Variants in CACNA2D4 observed in about 807,000 individuals in gnomAD.
CACNA2D4 encodes calcium voltage-gated channel auxiliary subunit alpha2delta 4.
CACNA2D4 carries 157 observed loss-of-function variants against 163.8 expected under a neutral mutation model. That is an observed-to-expected ratio of 0.96 (90% CI 0.84 to 1.09). CACNA2D4 has a LOEUF of 1.09. Among genes scored for constraint, CACNA2D4 ranks in the 50% least tolerant of loss-of-function variants. CACNA2D4 has a pLI of 0.00. For missense variants in CACNA2D4, 1,410 were observed against 1,479.9 expected (o/e 0.95, Z 0.78); for synonymous variants, 598 against 586.9 (o/e 1.02, Z -0.27).
intron 24 of CACNA2D4, 40 bp downstream of exon 24, chr12:1,846,554 C>G (rs1198507181): frequency 2.0e-6 from 3 of 1,499,812 alleles, no homozygotes; most frequent in Non-Finnish European, 1.8e-6. Flanking sequence ...CCTCTCTGCC[C>G]TGCAGGGATT....
At chr12:1,854,431 A>T (rs538308823) in intron 22 of CACNA2D4, among the ~76,000 whole-genome samples, 1 of 152,026 alleles carries the variant, frequency 6.6e-6, no homozygotes, top group African/African-American at 2.4e-5. Context: ...GTTGAGATGG[A>T]GTCTCATTCT....
At chr12:1,904,893 C>T (rs1367186997) in intron 6 of CACNA2D4, among the ~76,000 whole-genome samples, 3 of 151,940 alleles carry the variant, frequency 2.0e-5, no homozygotes, top group Non-Finnish European at 2.9e-5. Flanking sequence ...AAATAAGTCC[C>T]TCAACAGTAA....
chr12:1,897,562 C>T (rs1866437154), intron 6 of CACNA2D4, among the ~76,000 whole-genome samples: 2 of 152,100 alleles, frequency 1.3e-5, no homozygotes, highest in Admixed American at 6.5e-5. Flanking sequence ...CCAATGTTCA[C>T]AATAAATGTA....
rs545108254 is a variant in CACNA2D4 at position 1,884,557 on chromosome 12, G to A, written c.1272+211C>T. On this transcript the variant is annotated intron_variant, in intron 11 of 37. Transcript: ENST00000382722. Reference sequence around the variant, plus strand: ...TTCTGATGTCCCCAAACCATATTCTGGTCCCTTACCCCAAACTTCCTACAT... The same window carrying A: ...TTCTGATGTCCCCAAACCATATTCTAGTCCCTTACCCCAAACTTCCTACAT... Among the ~76,000 whole-genome samples, 598 of 152,156 alleles carry A rather than the reference G, an allele frequency of 3.9e-3. 4 individuals are homozygous for A. Among genetic ancestry groups the A allele is most frequent in the Non-Finnish European group, 4.1e-3 (279 of 68,008 alleles).
chr12:1,851,651 T>G (rs78533004), intron 23 of CACNA2D4, among the ~76,000 whole-genome samples: 7 of 118,584 alleles, frequency 5.9e-5, no homozygotes, highest in South Asian at 3.1e-4. Flanking sequence ...TGGTGTGTGT[T>G]TGTGTGTGTG....
At chr12:1,893,806 G>A (rs925152873) in intron 6 of CACNA2D4, among the ~76,000 whole-genome samples, 14 of 152,048 alleles carry the variant, frequency 9.2e-5, no homozygotes, top group Non-Finnish European at 1.9e-4. Flanking sequence ...ACATCAAATA[G>A]TAGAAAGATT....
intron 6 of CACNA2D4, among the ~76,000 whole-genome samples, chr12:1,887,402 T>A (rs1565730378): frequency 6.6e-6 from 1 of 152,216 alleles, no homozygotes. Flanking sequence ...TCCATTACCA[T>A]CCAGCAAAGT....
At chr12:1,913,269 G>A (rs1400048164) in intron 2 of CACNA2D4, 130 bp from the exon 3 acceptor site, 4 of 690,842 alleles carry the variant, frequency 5.8e-6, no homozygotes, top group African/African-American at 1.8e-5. Context: ...CTCAACTAGG[G>A]TGAGGCCCAG....
Position 1,886,215 on chromosome 12 carries a change from A to G in CACNA2D4, c.993+8T>C. On this transcript the variant is annotated splice_region_variant and intron_variant, in intron 8 of 37. Transcript: ENST00000382722. ...GAGAGCTATTCTAGAACAGGAAGGC[A>G]CATTTACCGCTATGATATTAATGAA... is the stretch of plus-strand genomic sequence containing the variant. 6.2e-7 allele frequency: 1 copy of G among 1,612,356 alleles called. No homozygotes were observed. The highest frequency in any genetic ancestry group is 1.7e-4 in the Middle Eastern group (1 of 6,060).
intron 9 of CACNA2D4, 68 bp from the exon 10 acceptor site, chr12:1,885,144 G>T: frequency 7.4e-7 from 1 of 1,350,228 alleles, no homozygotes; most frequent in Non-Finnish European, 1.1e-6. Context: ...CATGTTTGGT[G>T]TTAATTTGGG....
At chr12:1,867,696 G>C (rs969404698) in intron 18 of CACNA2D4, among the ~76,000 whole-genome samples, 2 of 151,880 alleles carry the variant, frequency 1.3e-5, no homozygotes, top group African/African-American at 2.4e-5. Context: ...TATATGGTTT[G>C]CAAATATTTT....
In CACNA2D4 at chr12:1,799,347, C is replaced by T. The variant is rs1863233066; in HGVS notation, c.2995+328G>A. Among the ~76,000 whole-genome samples the T allele has an allele frequency of 1.3e-5, 2 of 152,200 alleles. No homozygotes were observed. The highest frequency in any genetic ancestry group is 4.8e-5 in the African/African-American group (2 of 41,452). On this transcript the variant is annotated intron_variant, in intron 34 of 37. Coordinates refer to ENST00000382722, the MANE Select transcript of CACNA2D4 (RefSeq NM_172364.5). The surrounding 1 kb of genome is among the most constrained non-coding windows in gnomAD (Gnocchi z 4.7). The stretch of plus-strand genomic sequence containing the variant: ...AGGGCTGGGGTGCCGCTGTTTGCTT[C>T]TCCAAGGGGTGGGCTGGAGGTTGCT...
intron 3 of CACNA2D4, among the ~76,000 whole-genome samples, chr12:1,911,100 T>C (rs1200374373): frequency 6.7e-6 from 1 of 149,090 alleles, no homozygotes; most frequent in Non-Finnish European, 1.5e-5. Context: ...CTCGGCTCAC[T>C]GCAACCCCCT....
intron 14 of CACNA2D4, among the ~76,000 whole-genome samples, chr12:1,879,462 G>A (rs1353271177): frequency 6.6e-6 from 1 of 152,168 alleles, no homozygotes; most frequent in African/African-American, 2.4e-5. Context: ...AGACAAGTTA[G>A]AGTCTGCACA....
At chr12:1,870,860 T>C (rs1222949037) in intron 18 of CACNA2D4, among the ~76,000 whole-genome samples, 3 of 152,102 alleles carry the variant, frequency 2.0e-5, no homozygotes, top group Non-Finnish European at 4.4e-5. Flanking sequence ...TCTGCTCCTT[T>C]AATACACTGA....
chr12:1,852,144 C>G (rs947679384), intron 23 of CACNA2D4, among the ~76,000 whole-genome samples: 2 of 152,062 alleles, frequency 1.3e-5, no homozygotes, highest in Non-Finnish European at 2.9e-5. Context: ...CTGGGGTTTC[C>G]AGATATATAA....
rs1396290248 is a variant in CACNA2D4 at position 1,795,683 on chromosome 12, C to T, written c.3211G>A (p.Ala1071Thr). 1.2e-6 allele frequency: 2 copies of T among 1,610,616 alleles called. No homozygotes were observed. The highest frequency in any genetic ancestry group is 1.3e-5 in the African/African-American group (1 of 74,966). ...CSIFPPVLQEATEVKYNASVK... is the reference protein window; with the variant it reads ...CSIFPPVLQETTEVKYNASVK... Reference sequence around the variant, plus strand: ...TGCAGGATATATTTGACTTCTGTCGCCTCCTGCAGCACTGGTGGGAAGATG... The same window carrying T: ...TGCAGGATATATTTGACTTCTGTCGTCTCCTGCAGCACTGGTGGGAAGATG... Residue 1071 changes from alanine (A) to threonine (T), a missense_variant, in exon 36 of 38, where the codon GCG becomes ACG. Physicochemically the swap from Ala to Thr is moderately conservative, Grantham distance 58. Coordinates refer to ENST00000382722, the MANE Select transcript of CACNA2D4 (RefSeq NM_172364.5).
At chr12:1,911,700 G>A (rs2154452548) in intron 3 of CACNA2D4, among the ~76,000 whole-genome samples, 1 of 152,282 alleles carries the variant, frequency 6.6e-6, no homozygotes, top group Non-Finnish European at 1.5e-5. Context: ...TGAGGCTGTG[G>A]AAGGGCACAG....
At chr12:1,896,648 C>A (rs879784383) in intron 6 of CACNA2D4, among the ~76,000 whole-genome samples, 4,684 of 136,564 alleles carry the variant, frequency 0.034, 135 homozygotes, top group South Asian at 0.057. Context: ...CACACACACA[C>A]ACACACAAAA....
Sources: gnomAD v4.1 joint callset for allele counts (sites outside exome capture counted in the v4.1 genomes callset) on GRCh38, gnomAD v4.1.1 for gene constraint, Gnocchi (gnomAD v3.1) non-coding constraint, MANE v1.5 for transcripts, NCBI Gene and HGNC (gene_info 2026-07-23, HGNC 2026-07-21) for gene names.